GRM7: variants seen among roughly 807,000 people sequenced by gnomAD.
The protein encoded by GRM7 is metabotropic glutamate receptor 7.
In GRM7, 35 loss-of-function variants were observed where a neutral mutation model predicts 84.5. The observed-to-expected ratio is 0.41, with a 90% CI of 0.32 to 0.55. The LOEUF is 0.55. Among genes scored for constraint, GRM7 ranks in the 20% least tolerant of loss-of-function variants. The pLI is 0.19. For synonymous variants in GRM7, 487 were observed against 455.1 expected (o/e 1.07, Z -0.89); for missense variants, 1,003 against 1,194.6 (o/e 0.84, Z 2.36).
chr3:7,052,847 A>T (rs1299037741), intron 1 of GRM7, among the ~76,000 whole-genome samples: 3 of 150,032 alleles, frequency 2.0e-5, no homozygotes, highest in Non-Finnish European at 4.5e-5. Context: ...TAAAACTGTT[A>T]TAAACACTTA....
Position 7,167,826 on chromosome 3 carries a change from A to G in GRM7, c.736+21158A>G, listed in dbSNP as rs1252927033. ...CAACTAAATATACAAAAGATTAGCT[A>G]GGCGTGGTGGCAGGCACCTGTAGTC... On this transcript the variant is annotated intron_variant, in intron 2 of 9. Transcript: ENST00000357716. 3.9e-5 allele frequency among the ~76,000 whole-genome samples: 6 copies of G among 151,914 alleles called. 1 individual carries two copies. Among genetic ancestry groups the G allele is most frequent in the South Asian group, 4.2e-4 (2 of 4,812 alleles).
chr3:6,997,963 T>C (rs1694879291), intron 1 of GRM7, among the ~76,000 whole-genome samples: 1 of 150,796 alleles, frequency 6.6e-6, no homozygotes, highest in South Asian at 2.1e-4. Context: ...CTACTAAAAA[T>C]ATAAAATTAG....
rs942413311 is a variant in GRM7 at position 7,150,349 on chromosome 3, T to G, written c.736+3681T>G. On this transcript the variant is annotated intron_variant, in intron 2 of 9. Transcript: ENST00000357716. ...ATCTCCACCATGCTCACCGTCACAG[T>G]GCACCGATAAGCGCCTCTTCATTAT... Among the ~76,000 whole-genome samples, 13 of 152,282 alleles carry G rather than the reference T, an allele frequency of 8.5e-5. 1 individual carries two copies. Among genetic ancestry groups the G allele is most frequent in the Admixed American group, 7.2e-4 (11 of 15,282 alleles).
chr3:7,545,662 G>A (rs1488716404), intron 7 of GRM7, among the ~76,000 whole-genome samples: 3 of 152,090 alleles, frequency 2.0e-5, no homozygotes, highest in African/African-American at 7.2e-5. Flanking sequence ...TTGAATATAT[G>A]GAGGTAGAAT....
chr3:7,575,491 TA>T (rs538629010), intron 7 of GRM7, among the ~76,000 whole-genome samples: 111 of 152,306 alleles, frequency 7.3e-4, no homozygotes, highest in African/African-American at 2.4e-3. Context: ...TATCTTCCTT[TA>T]AAATAGATGT....
chr3:7,333,907 C>T, intron 4 of GRM7, among the ~76,000 whole-genome samples: 1 of 151,470 alleles, frequency 6.6e-6, no homozygotes, highest in Admixed American at 6.6e-5. Context: ...GCCAATCAGA[C>T]AAAGACAAAG....
intron 7 of GRM7, among the ~76,000 whole-genome samples, chr3:7,574,722 G>A (rs1029956573): frequency 6.6e-5 from 10 of 152,190 alleles, no homozygotes; most frequent in Admixed American, 5.9e-4. Context: ...TTTCAGATAA[G>A]AACCTCAGAT....
intron 7 of GRM7, among the ~76,000 whole-genome samples, chr3:7,473,489 G>GGGGA (rs1553603707): frequency 7.9e-5 from 10 of 126,502 alleles, no homozygotes; most frequent in African/African-American, 1.8e-4. Context: ...AAAACGAGAG[G>GGGGA]GAGAGAGAGA....
At chr3:6,977,229 G>T (rs1358467208) in intron 1 of GRM7, among the ~76,000 whole-genome samples, 1 of 152,142 alleles carries the variant, frequency 6.6e-6, no homozygotes, top group African/African-American at 2.4e-5. Flanking sequence ...AAGCATGGCA[G>T]ATTAGATGTT....
chr3:7,709,855 T>C (rs1373112390), intron 9 of GRM7, among the ~76,000 whole-genome samples: 2 of 152,062 alleles, frequency 1.3e-5, no homozygotes, highest in Non-Finnish European at 2.9e-5. Context: ...AGACAATGAG[T>C]GCCAGTGGAG....
rs764369822 is a variant in GRM7, at chr3:6,861,541, C to CG, written c.159dup (p.Leu54AlafsTer39). 2 of 1,584,638 alleles carry CG rather than the reference C, an allele frequency of 1.3e-6. No individual in the cohort carries two copies. Among genetic ancestry groups the CG allele is most frequent in the Non-Finnish European group, 1.7e-6 (2 of 1,165,278 alleles). ...TCCGGATCGAGGGGGACGTCACCCTCGGGGGGCTGTTCCCCGTGCACGCCA... is the reference window on the plus strand; with the variant it reads ...TCCGGATCGAGGGGGACGTCACCCTCGGGGGGGCTGTTCCCCGTGCACGCCA... On this transcript the variant is annotated frameshift_variant, in exon 1 of 10. Coordinates refer to ENST00000357716, the MANE Select transcript of GRM7 (RefSeq NM_000844.4). LOFTEE classifies it high-confidence loss of function. The surrounding 1 kb of genome is among the most constrained non-coding windows in gnomAD (Gnocchi z 6.4).
chr3:7,596,479 A>C (rs1696050959), intron 8 of GRM7, among the ~76,000 whole-genome samples: 1 of 152,214 alleles, frequency 6.6e-6, no homozygotes, highest in Admixed American at 6.5e-5. Context: ...ATGATGCCCA[A>C]GATACTCCAA....
intron 1 of GRM7, among the ~76,000 whole-genome samples, chr3:7,082,948 G>C (rs933026353): frequency 2.0e-5 from 3 of 152,162 alleles, no homozygotes; most frequent in Admixed American, 6.5e-5. Context: ...GATGAGCAAA[G>C]AAAGTGACTT....
At chr3:7,464,996 A>C (rs1452450639) in intron 7 of GRM7, among the ~76,000 whole-genome samples, 1 of 152,136 alleles carries the variant, frequency 6.6e-6, no homozygotes, top group Non-Finnish European at 1.5e-5. Context: ...ACTCTGTCTC[A>C]GAAAAGAAAA....
chr3:7,060,757 A>G (rs542329754), intron 1 of GRM7, among the ~76,000 whole-genome samples: 1 of 151,914 alleles, frequency 6.6e-6, no homozygotes, highest in South Asian at 2.1e-4. Flanking sequence ...CCTTGTGCCT[A>G]TAAATGAAGA....
intron 1 of GRM7, among the ~76,000 whole-genome samples, chr3:6,951,183 C>T (rs142421693): frequency 3.8e-3 from 572 of 152,300 alleles, no homozygotes; most frequent in African/African-American, 0.013. Context: ...CATCTTGGCT[C>T]CACCCCCAGT....
chr3:7,636,486 C>A, intron 8 of GRM7: 1 of 309,504 alleles, frequency 3.2e-6, no homozygotes, highest in Non-Finnish European at 6.5e-6. Context: ...TAGAAAAATT[C>A]CAAGGGTCAG....
Position 7,134,910 on chromosome 3 carries a change from C to T in GRM7, c.520-11542C>T, listed in dbSNP as rs150817352. Among the ~76,000 whole-genome samples, 1,102 of 151,942 alleles carry T rather than the reference C, an allele frequency of 7.3e-3. 17 individuals carry two copies. The highest frequency in any genetic ancestry group is 0.025 in the African/African-American group (1,053 of 41,440). On this transcript the variant is annotated intron_variant, in intron 1 of 9. Transcript: ENST00000357716. ...GTAAAGCAATAAGCATTATTTTAAA[C>T]ATATGCTATAACAAATATAACTTGC...
intron 5 of GRM7, among the ~76,000 whole-genome samples, chr3:7,430,738 T>C (rs1028813073): frequency 1.3e-5 from 2 of 152,214 alleles, no homozygotes; most frequent in African/African-American, 2.4e-5. Context: ...ATTTTGCAAA[T>C]AGAAGCACTG....
Sources: allele counts gnomAD v4.1 joint callset (sites outside exome capture counted in the v4.1 genomes callset), GRCh38; gene constraint gnomAD v4.1.1; non-coding constraint Gnocchi (gnomAD v3.1); transcripts MANE v1.5; gene names NCBI Gene and HGNC (gene_info 2026-07-23, HGNC 2026-07-21).